Variants in SYNM observed in about 807,000 individuals in gnomAD.
SYNM encodes the protein synemin.
In SYNM, 95 loss-of-function variants were observed where a neutral mutation model predicts 104.0. That is an observed-to-expected ratio of 0.91 (90% CI 0.77 to 1.08). The LOEUF (loss-of-function observed/expected upper bound fraction) is 1.08. Ranked by LOEUF, SYNM falls within the 50% of genes least tolerant of loss-of-function variation. The pLI is 0.00. For missense variants in SYNM, 2,150 were observed against 2,052.2 expected (o/e 1.05, Z -0.92); for synonymous variants, 918 against 869.0 (o/e 1.06, Z -0.99).
In SYNM at chr15:99,133,338, T is replaced by C; in HGVS notation, c.*280T>C. ...CTCTCCACTTCTGGAGATGAATTTC[T>C]ATGTTTTGCACCTGGTCACAGACAT... On this transcript the variant is annotated 3_prime_UTR_variant, in exon 4 of 4. Coordinates refer to ENST00000336292, the MANE Select transcript of SYNM (RefSeq NM_145728.3). 1 of 440,976 alleles carries C rather than the reference T, an allele frequency of 2.3e-6. No individual in the cohort carries two copies. Among genetic ancestry groups the C allele is most frequent in the Non-Finnish European group, 3.9e-6 (1 of 254,810 alleles). 27.3% of individuals were successfully genotyped at this position (440,976 alleles called of 1,614,324 possible).
chr15:99,120,732 G>A (rs1206025726), intron 2 of SYNM, among the ~76,000 whole-genome samples: 2 of 152,204 alleles, frequency 1.3e-5, no homozygotes, highest in Non-Finnish European at 2.9e-5. Context: ...TTCTGGTGAT[G>A]GGGAGGGAGT....
chr15:99,133,255 AC>A lies in SYNM; in HGVS notation c.*198del. On this transcript the variant is annotated 3_prime_UTR_variant, in exon 4 of 4. Transcript: ENST00000336292. ...CCAGTTAATTCATGCCTTAAAAGGC[AC>A]TGCAATTTTATTTTTGAGTTGGGAC... is the stretch of plus-strand genomic sequence containing the variant. The A allele has an allele frequency of 1.7e-6, 2 of 1,156,518 alleles. No individual in the cohort carries two copies. The highest frequency in any genetic ancestry group is 2.3e-6 in the Non-Finnish European group (2 of 860,102). The allele number at this position is 1,156,518 out of a possible 1,614,324, so 71.6% of individuals were successfully genotyped here.
chr15:99,110,004 A>T (rs572411771), intron 1 of SYNM, among the ~76,000 whole-genome samples: 1 of 152,192 alleles, frequency 6.6e-6, no homozygotes, highest in East Asian at 1.9e-4. Flanking sequence ...GACTGAGTGG[A>T]CTCAGGGATG....
intron 1 of SYNM, among the ~76,000 whole-genome samples, chr15:99,109,586 C>A (rs556918431): frequency 6.6e-6 from 1 of 152,288 alleles, no homozygotes; most frequent in African/African-American, 2.4e-5. Flanking sequence ...GGTTACGTTC[C>A]TTAACCTGTC....
Position 99,105,528 on chromosome 15 carries a change from A to G in SYNM, c.329A>G (p.Asp110Gly). The change falls in exon 1 of 4, where the codon GAC becomes GGC. Residue 110 changes from aspartate (D) to glycine (G), a missense_variant. By Grantham distance (94) the Asp-to-Gly change is moderately conservative. Coordinates refer to ENST00000336292, the MANE Select transcript of SYNM (RefSeq NM_145728.3). ...GAGCGCGCCGCCCGCGGCCGCCTGG[A>G]CGCCGAGCTGGGTGCGCAGCAGCGC... is the stretch of plus-strand genomic sequence containing the variant. Reference protein sequence around the residue: ...AEERAARGRLDAELGAQQREL... With the variant: ...AEERAARGRLGAELGAQQREL... 8.0e-7 allele frequency: 1 copy of G among 1,251,248 alleles called. No homozygotes were observed. Among genetic ancestry groups the G allele is most frequent in the Non-Finnish European group, 1.0e-6 (1 of 1,000,300 alleles). 77.5% of individuals were successfully genotyped at this position (1,251,248 alleles called of 1,614,324 possible).
intron 1 of SYNM, among the ~76,000 whole-genome samples, chr15:99,112,046 C>CA (rs782302784): frequency 1.6e-4 from 24 of 152,150 alleles, no homozygotes; most frequent in African/African-American, 2.7e-4. Context: ...GAGACTGTCT[C>CA]CAAAAACAAA....
At chr15:99,107,950 TG>T (rs797039742) in intron 1 of SYNM, among the ~76,000 whole-genome samples, 53,956 of 147,316 alleles carry the variant, frequency 0.37, 10,002 homozygotes, top group African/African-American at 0.48. Context: ...TTTTTTGTTT[TG>T]TTTTTTTTTT....
At position 99,129,682 on chromosome 15, in the gene SYNM, A is replaced by G; in HGVS notation, c.1322A>G (p.Gln441Arg). The G allele has an allele frequency of 3.1e-6, 5 of 1,613,970 alleles. No homozygotes were observed. The highest frequency in any genetic ancestry group is 4.2e-6 in the Non-Finnish European group (5 of 1,179,892). Residue 441 changes from glutamine (Q) to arginine (R), a missense_variant, in exon 4 of 4, where the codon CAA (glutamine) becomes CGA (arginine). Gln to Arg is a conservative substitution (Grantham distance 43, BLOSUM62 1). Coordinates refer to ENST00000336292, the MANE Select transcript of SYNM (RefSeq NM_145728.3). ...GGCCTTTTAAGAAATACTGAGGCTC[A>G]AGTGAAAACATTCCCTGACAGACCA... ...TYGLLRNTEAQVKTFPDRPKA... is the reference protein window; with the variant it reads ...TYGLLRNTEARVKTFPDRPKA...
At chr15:99,109,176 G>GT (rs1434397183) in intron 1 of SYNM, among the ~76,000 whole-genome samples, 7 of 152,118 alleles carry the variant, frequency 4.6e-5, no homozygotes, top group Non-Finnish European at 1.5e-5. Flanking sequence ...CGCCTTCACT[G>GT]TATGAGGCGG....
chr15:99,132,370 G>A lies in SYNM; in HGVS notation c.4010G>A (p.Gly1337Asp). Reference protein sequence around the residue: ...HGLVPQLGESGDSESTVHGEG... With the variant: ...HGLVPQLGESDDSESTVHGEG... ...CTGGTTCCCCAACTGGGGGAATCTG[G>A]TGACTCAGAGAGCACTGTGCACGGA... is the stretch of plus-strand genomic sequence containing the variant. Residue 1337 changes from glycine to aspartate, a missense_variant, in exon 4 of 4, where the codon GGT (glycine) becomes GAT (aspartate). Coordinates refer to ENST00000336292, the MANE Select transcript of SYNM (RefSeq NM_145728.3). 1 of 1,613,968 alleles carries A rather than the reference G, an allele frequency of 6.2e-7. No individual in the cohort carries two copies. The highest frequency in any genetic ancestry group is 8.5e-7 in the Non-Finnish European group (1 of 1,179,858).
chr15:99,133,162 C>T lies in SYNM; in HGVS notation c.*104C>T, dbSNP rs1596139547. 1.3e-6 allele frequency: 2 copies of T among 1,507,958 alleles called. No homozygotes were observed. Among genetic ancestry groups the T allele is most frequent in the South Asian group, 1.3e-5 (1 of 77,940 alleles). The allele number at this position is 1,507,958 out of a possible 1,614,324, so 93.4% of individuals were successfully genotyped here. ...CCGAGGGAGTCTATGAAAATCTCCC[C>T]TTTTTTACTTTTTTAAAGAGTACTC... On this transcript the variant is annotated 3_prime_UTR_variant, in exon 4 of 4. Coordinates refer to ENST00000336292, the MANE Select transcript of SYNM (RefSeq NM_145728.3).
At chr15:99,116,422 A>C (rs1555483966) in intron 2 of SYNM, among the ~76,000 whole-genome samples, 1 of 104,240 alleles carries the variant, frequency 9.6e-6, no homozygotes, top group Non-Finnish European at 2.3e-5. Flanking sequence ...AAAAGAATTT[A>C]TTACTCATAT....
intron 1 of SYNM, 68 bp downstream of exon 1, chr15:99,106,077 G>C (rs1268284312): frequency 1.8e-5 from 24 of 1,337,770 alleles, no homozygotes; most frequent in Non-Finnish European, 2.2e-5. Flanking sequence ...TGCCCTTGAC[G>C]GCGTGGGGCA....
chr15:99,133,429 A>G lies in SYNM; in HGVS notation c.*371A>G, dbSNP rs2067534100. 3 of 204,164 alleles carry G rather than the reference A, an allele frequency of 1.5e-5. No homozygotes were observed. The highest frequency in any genetic ancestry group is 3.0e-5 in the Non-Finnish European group (3 of 100,002). The allele number at this position is 204,164 out of a possible 1,614,324, so 12.6% of individuals were successfully genotyped here. A position where few individuals can be genotyped will look rare whatever the true frequency, so the allele number is the denominator to read the frequency against. ...AAAACATTAACCAGATTAAAGTAAT[A>G]TATTTAAGAGTAAATTTTGCTTGCA... On this transcript the variant is annotated 3_prime_UTR_variant, in exon 4 of 4. Coordinates refer to ENST00000336292, the MANE Select transcript of SYNM (RefSeq NM_145728.3).
chr15:99,139,635 T>C, downstream of SYNM: 2 of 1,494,838 alleles, frequency 1.3e-6, no homozygotes, highest in Non-Finnish European at 1.8e-6. Context: ...ACTATCTGTA[T>C]GCAAAAAATA....
chr15:99,130,740 G>A lies in SYNM; in HGVS notation c.2380G>A (p.Asp794Asn), dbSNP rs546354423. The A allele has an allele frequency of 3.7e-5, 59 of 1,613,938 alleles. No homozygotes were observed. The East Asian group carries it at 1.0e-3, about 29-fold the overall frequency. Residue 794 changes from aspartate to asparagine, a missense_variant, in exon 4 of 4, where the codon GAT becomes AAT. Transcript: ENST00000336292. ...VKEEEGYGES[D>N]VTFSVNQHRR... ...GGAGGAGGAAGGTTATGGAGAAAGC[G>A]ATGTCACATTCTCAGTTAATCAGCA...
chr15:99,118,363 TTAAC>T (rs2067369638), intron 2 of SYNM, among the ~76,000 whole-genome samples: 2 of 152,228 alleles, frequency 1.3e-5, no homozygotes, highest in Non-Finnish European at 1.5e-5. Flanking sequence ...CCCTTATTCT[TTAAC>T]TAAAGTGCTC....
chr15:99,130,626 G>A lies in SYNM; in HGVS notation c.2266G>A (p.Val756Ile), dbSNP rs1555485645. Residue 756 changes from valine (V) to isoleucine (I), a missense_variant, in exon 4 of 4, where the codon GTC (valine) becomes ATC (isoleucine). Coordinates refer to ENST00000336292, the MANE Select transcript of SYNM (RefSeq NM_145728.3). Reference sequence around the variant, plus strand: ...GATCGTGGAGGAGCCCGTGAGTTATGTCAGCGGGGAGAAGCCGGAGGAGTT... The same window carrying A: ...GATCGTGGAGGAGCCCGTGAGTTATATCAGCGGGGAGAAGCCGGAGGAGTT... ...VEIVEEPVSYVSGEKPEEFSV... is the reference protein window; with the variant it reads ...VEIVEEPVSYISGEKPEEFSV... 3.1e-6 allele frequency: 5 copies of A among 1,612,552 alleles called. No homozygotes were observed. Among genetic ancestry groups the A allele is most frequent in the Admixed American group, 3.3e-5 (2 of 59,880 alleles).
At chr15:99,106,515 G>A (rs1028892626) in intron 1 of SYNM, among the ~76,000 whole-genome samples, 2 of 152,260 alleles carry the variant, frequency 1.3e-5, no homozygotes, top group Non-Finnish European at 2.9e-5. Flanking sequence ...GGAAGCCGCA[G>A]TTGTGGCTCT....
Sources: gnomAD v4.1 joint callset for allele counts (sites outside exome capture counted in the v4.1 genomes callset) on GRCh38, gnomAD v4.1.1 for gene constraint, MANE v1.5 for transcripts, NCBI Gene and HGNC (gene_info 2026-07-23, HGNC 2026-07-21) for gene names.